IMPG1: variants seen among roughly 807,000 people sequenced by gnomAD.
IMPG1 encodes the protein interphotoreceptor matrix proteoglycan of 150 kDa.
Under a neutral mutation model 92.0 loss-of-function variants are expected in IMPG1, and 85 were observed. The observed-to-expected ratio is 0.92, with a 90% CI of 0.78 to 1.11. The LOEUF is 1.11. IMPG1 is among the 50% of genes least tolerant of loss of function. IMPG1 has a pLI of 0.00. For missense variants in IMPG1, 1,022 were observed against 956.0 expected (o/e 1.07, Z -0.91); for synonymous variants, 367 against 334.1 (o/e 1.10, Z -1.08).
intron 12 of IMPG1, among the ~76,000 whole-genome samples, chr6:75,972,791 A>G (rs1029655363): frequency 2.6e-5 from 4 of 152,326 alleles, no homozygotes; most frequent in Admixed American, 2.6e-4. Context: ...TCTACTATGT[A>G]CCAGCATAAA....
At chr6:75,956,154 A>G (rs1308190718) in intron 12 of IMPG1, among the ~76,000 whole-genome samples, 1 of 152,190 alleles carries the variant, frequency 6.6e-6, no homozygotes, top group East Asian at 1.9e-4. Context: ...ATTGTTTGGA[A>G]TAGTTTCAGA....
intron 12 of IMPG1, among the ~76,000 whole-genome samples, chr6:75,999,506 G>C (rs111430624): frequency 2.7e-4 from 41 of 152,156 alleles, no homozygotes; most frequent in Admixed American, 3.9e-4. Context: ...GAAAAGGCCA[G>C]AACTGTTTTA....
intron 4 of IMPG1, among the ~76,000 whole-genome samples, chr6:76,030,275 T>C (rs1009197830): frequency 1.3e-5 from 2 of 152,050 alleles, no homozygotes; most frequent in Admixed American, 1.3e-4. Flanking sequence ...ACAAGGTCAC[T>C]GGGATTCGGG....
At chr6:75,993,877 A>G (rs191273566) in intron 12 of IMPG1, among the ~76,000 whole-genome samples, 1 of 152,324 alleles carries the variant, frequency 6.6e-6, no homozygotes, top group East Asian at 1.9e-4. Flanking sequence ...ATAGCGCTCA[A>G]TAGGTTTGTC....
Position 75,933,582 on chromosome 6 carries a change from C to T in IMPG1, c.2045-2431G>A, listed in dbSNP as rs545904727. The stretch of plus-strand genomic sequence containing the variant: ...TTGACCTCGGCAAGCTGAACAGTGT[C>T]AGTGGCTGCTCGTTAGCAGTTGGTG... On this transcript the variant is annotated intron_variant, in intron 14 of 16. Transcript: ENST00000369950. 3.3e-5 allele frequency among the ~76,000 whole-genome samples: 5 copies of T among 152,208 alleles called. No homozygotes were observed. The East Asian group carries it at 9.6e-4, about 29-fold the overall frequency.
At chr6:75,967,264 G>A (rs1782323104) in intron 12 of IMPG1, among the ~76,000 whole-genome samples, 2 of 152,128 alleles carry the variant, frequency 1.3e-5, no homozygotes, top group South Asian at 4.1e-4. Flanking sequence ...CCTTGCTATG[G>A]TCTGAATGTT....
chr6:76,030,010 G>C (rs1435961110), intron 4 of IMPG1, among the ~76,000 whole-genome samples: 1 of 152,062 alleles, frequency 6.6e-6, no homozygotes, highest in African/African-American at 2.4e-5. Context: ...GGTATCCAGA[G>C]GCAAATTACA....
rs1393368771 is a variant in IMPG1 at position 75,975,350 on chromosome 6, C to T, written c.1292-24256G>A. On this transcript the variant is annotated intron_variant, in intron 12 of 16. Coordinates refer to ENST00000369950, the MANE Select transcript of IMPG1 (RefSeq NM_001563.4). ...TCTGATCAGGACATATCTCTGATGT[C>T]CTGAAAAAATTAATGTAGTTTAGTT... 7.9e-5 allele frequency among the ~76,000 whole-genome samples: 12 copies of T among 152,054 alleles called. No homozygotes were observed. The South Asian group carries it at 2.1e-3, about 26-fold the overall frequency.
At chr6:75,941,657 A>T (rs944668603) in intron 14 of IMPG1, among the ~76,000 whole-genome samples, 2 of 152,198 alleles carry the variant, frequency 1.3e-5, no homozygotes, top group African/African-American at 4.8e-5. Context: ...CAGACGTTTT[A>T]CAACTCTATA....
intron 12 of IMPG1, among the ~76,000 whole-genome samples, chr6:75,954,666 A>G (rs770227372): frequency 7.2e-5 from 11 of 151,984 alleles, no homozygotes; most frequent in African/African-American, 2.4e-4. Flanking sequence ...GCTTTGGGTG[A>G]ATTAGTCACG....
intron 7 of IMPG1, among the ~76,000 whole-genome samples, chr6:76,014,223 TCTC>T (rs1783243436): frequency 6.6e-6 from 1 of 152,210 alleles, no homozygotes. Context: ...ATTCTCTACT[TCTC>T]CTGCTGGATT....
intron 12 of IMPG1, among the ~76,000 whole-genome samples, chr6:75,969,695 A>G (rs964308066): frequency 6.6e-5 from 10 of 152,066 alleles, no homozygotes; most frequent in African/African-American, 2.4e-4. Flanking sequence ...ATCACGCCAC[A>G]GTACTCCAGC....
At chr6:76,055,088 G>GCTATATAATATACAA (rs1784099099) in intron 1 of IMPG1, among the ~76,000 whole-genome samples, 3 of 151,890 alleles carry the variant, frequency 2.0e-5, no homozygotes, top group African/African-American at 7.3e-5. Context: ...ACATGTATGA[G>GCTATATAATATACAA]GCATCATATC....
chr6:75,967,290 T>C (rs1460939510), intron 12 of IMPG1, among the ~76,000 whole-genome samples: 2 of 152,146 alleles, frequency 1.3e-5, no homozygotes, highest in Non-Finnish European at 2.9e-5. Context: ...CTTCCCAAAA[T>C]GTATATGTTG....
chr6:75,932,614 T>C (rs1781683689), intron 14 of IMPG1, among the ~76,000 whole-genome samples: 1 of 152,192 alleles, frequency 6.6e-6, no homozygotes, highest in South Asian at 2.1e-4. Context: ...CCCTATGTTG[T>C]TATCATTTTC....
chr6:75,968,776 C>A (rs187364534), intron 12 of IMPG1, among the ~76,000 whole-genome samples: 1 of 152,308 alleles, frequency 6.6e-6, no homozygotes, highest in African/African-American at 2.4e-5. Flanking sequence ...GTCACCCTCT[C>A]TTGCTCTTCT....
At chr6:76,057,777 A>T (rs1184287934) in intron 1 of IMPG1, among the ~76,000 whole-genome samples, 1 of 152,118 alleles carries the variant, frequency 6.6e-6, no homozygotes, top group Non-Finnish European at 1.5e-5. Flanking sequence ...GGGCTAAATT[A>T]AGGACATTTA....
intron 1 of IMPG1, among the ~76,000 whole-genome samples, chr6:76,045,991 A>T (rs957475032): frequency 5.2e-4 from 79 of 152,170 alleles, no homozygotes; most frequent in African/African-American, 1.9e-3. Flanking sequence ...TAAGATGATG[A>T]CAAAATGAGT....
chr6:75,945,872 G>A (rs1781919233), intron 14 of IMPG1, among the ~76,000 whole-genome samples: 1 of 152,074 alleles, frequency 6.6e-6, no homozygotes, highest in South Asian at 2.1e-4. Context: ...CCCTACAGCC[G>A]CACACCTGGG....
Sources: allele counts gnomAD v4.1 joint callset (sites outside exome capture counted in the v4.1 genomes callset), GRCh38; gene constraint gnomAD v4.1.1; transcripts MANE v1.5; gene names NCBI Gene and HGNC (gene_info 2026-07-23, HGNC 2026-07-21).